PDE8B: variants seen among roughly 807,000 people sequenced by gnomAD.
The protein encoded by PDE8B is phosphodiesterase 8B.
A neutral mutation model predicts 101.3 loss-of-function variants in PDE8B; 26 were observed. The observed-to-expected ratio is 0.26, with a 90% CI of 0.19 to 0.36. The LOEUF (loss-of-function observed/expected upper bound fraction) is 0.36. PDE8B is among the 10% of genes least tolerant of loss of function. The pLI, the probability that PDE8B is intolerant of heterozygous loss-of-function variation, is 1.00. For synonymous variants in PDE8B, 424 were observed against 429.3 expected, an observed-to-expected ratio of 0.99 and a Z score of 0.15; for missense variants, 810 against 1,163.1, an observed-to-expected ratio of 0.70 and a Z score of 4.42.
chr5:77,300,194 G>A (rs1249182872), intron 1 of PDE8B, among the ~76,000 whole-genome samples: 1 of 152,212 alleles, frequency 6.6e-6, no homozygotes, highest in Non-Finnish European at 1.5e-5. Flanking sequence ...ATACAAGGGA[G>A]CCCCTTGTTC....
At chr5:77,309,393 C>A (rs1000875098) in intron 1 of PDE8B, among the ~76,000 whole-genome samples, 1 of 152,104 alleles carries the variant, frequency 6.6e-6, no homozygotes, top group South Asian at 2.1e-4. Context: ...CAATGCGAGT[C>A]ACTTTTTATT....
At chr5:77,353,521 C>A (rs1005735015) in intron 10 of PDE8B, 115 bp downstream of exon 10, 7 of 749,018 alleles carry the variant, frequency 9.3e-6, no homozygotes, top group African/African-American at 6.9e-5. Flanking sequence ...ATTGTAGCTG[C>A]CAATTAAGCA....
chr5:77,422,317 A>G (rs577987736), intron 20 of PDE8B, among the ~76,000 whole-genome samples: 2 of 152,202 alleles, frequency 1.3e-5, no homozygotes, highest in South Asian at 4.1e-4. Flanking sequence ...GGGTGTCTAC[A>G]TGGCGCGTTA....
intron 2 of PDE8B, among the ~76,000 whole-genome samples, chr5:77,317,303 G>A (rs1773974537): frequency 6.6e-6 from 1 of 152,062 alleles, no homozygotes; most frequent in South Asian, 2.1e-4. Flanking sequence ...TTGCTTCACT[G>A]CAATGCCAAA....
chr5:77,309,169 ACT>A (rs1771941047), intron 1 of PDE8B, among the ~76,000 whole-genome samples: 1 of 138,900 alleles, frequency 7.2e-6, no homozygotes, highest in African/African-American at 2.6e-5. Context: ...ACAGAGTGAA[ACT>A]CTGTCAGAAA....
intron 1 of PDE8B, among the ~76,000 whole-genome samples, chr5:77,258,894 C>T (rs963479214): frequency 1.3e-5 from 2 of 151,868 alleles, no homozygotes; most frequent in East Asian, 3.9e-4. Context: ...GTTGGTTCCT[C>T]AGGGTCTGGG....
chr5:77,088,870 G>C, the PDE8B span: 2 of 152,132 alleles, frequency 1.3e-5, no homozygotes, highest in Non-Finnish European at 2.9e-5. Flanking sequence ...CTTGAGGGTG[G>C]GGCCTTTGCC....
At position 77,309,941 on chromosome 5, in the gene PDE8B, A is replaced by ACCTTTTTT. The variant is rs772985826; in HGVS notation, c.340-2053_340-2052insCCTTTTTT. Among the ~76,000 whole-genome samples the ACCTTTTTT allele has an allele frequency of 3.2e-3, 262 of 83,058 alleles. 9 individuals are homozygous for ACCTTTTTT. Among genetic ancestry groups the ACCTTTTTT allele is most frequent in the African/African-American group, 6.6e-3 (129 of 19,486 alleles). The allele number at this position is 83,058 out of a possible 152,430, so 54.5% of individuals were successfully genotyped here. A position where few individuals can be genotyped will look rare whatever the true frequency, so the allele number is the denominator to read the frequency against. ...AACTGGTTTCCCTTTTTAATCATTA[A>ACCTTTTTT]TCTTTTTTTTTTTTTTTTTTTTTTT... On this transcript the variant is annotated intron_variant, in intron 1 of 21. Transcript: ENST00000264917.
Position 77,349,402 on chromosome 5 carries a change from C to T in PDE8B, c.877-17C>T. 6.2e-7 allele frequency: 1 copy of T among 1,614,002 alleles called. No individual in the cohort carries two copies. Among genetic ancestry groups the T allele is most frequent in the Non-Finnish European group, 8.5e-7 (1 of 1,179,992 alleles). Reference sequence around the variant, plus strand: ...CTTGTGTCCCCGCACTGATCTGTACCAACCTCCCATTAACAGTATGTCAAC... The same window carrying T: ...CTTGTGTCCCCGCACTGATCTGTACTAACCTCCCATTAACAGTATGTCAAC... On this transcript the variant is annotated splice_polypyrimidine_tract_variant and intron_variant, in intron 7 of 21. Coordinates refer to ENST00000264917, the MANE Select transcript of PDE8B (RefSeq NM_003719.5).
At chr5:77,110,523 C>T in the PDE8B span, among the ~76,000 whole-genome samples, 9 of 152,166 alleles carry the variant, frequency 5.9e-5, no homozygotes, top group Admixed American at 5.2e-4. Context: ...ATTACAAGGG[C>T]TGCCAGTGAA....
At chr5:77,219,907 A>G (rs556587526) in intron 1 of PDE8B, among the ~76,000 whole-genome samples, 2 of 152,310 alleles carry the variant, frequency 1.3e-5, no homozygotes, top group African/African-American at 4.8e-5. Flanking sequence ...GTGCCTGTGC[A>G]AGCATTGGGT....
chr5:77,359,716 C>T (rs1241323130), intron 10 of PDE8B, among the ~76,000 whole-genome samples: 1 of 152,162 alleles, frequency 6.6e-6, no homozygotes. Context: ...CCAGCTTCAG[C>T]AGGGACCCCC....
intron 18 of PDE8B, among the ~76,000 whole-genome samples, chr5:77,419,036 C>A (rs1796123438): frequency 6.6e-6 from 1 of 152,186 alleles, no homozygotes; most frequent in Admixed American, 6.5e-5. Flanking sequence ...TCACTCGGGC[C>A]TCAGGAATGC....
chr5:77,261,575 C>T (rs1193519531), intron 1 of PDE8B, among the ~76,000 whole-genome samples: 1 of 152,172 alleles, frequency 6.6e-6, no homozygotes, highest in African/African-American at 2.4e-5. Flanking sequence ...CAGTCTTCTC[C>T]CCACATCAGA....
At position 77,288,317 on chromosome 5, in the gene PDE8B, C is replaced by T. The variant is rs532100211; in HGVS notation, c.340-23677C>T. The stretch of plus-strand genomic sequence containing the variant: ...TGGATGGAAGCTCTGCTCAGCTTCT[C>T]GGCTTCTGGAATTGTCAGTGGCCTT... On this transcript the variant is annotated intron_variant, in intron 1 of 21. Coordinates refer to ENST00000264917, the MANE Select transcript of PDE8B (RefSeq NM_003719.5). Among the ~76,000 whole-genome samples, 20 of 152,276 alleles carry T rather than the reference C, an allele frequency of 1.3e-4. 1 individual carries two copies. In the South Asian group the frequency reaches 2.7e-3, roughly 21 times the overall value.
intron 1 of PDE8B, among the ~76,000 whole-genome samples, chr5:77,288,982 A>C (rs1766677220): frequency 1.3e-5 from 2 of 152,106 alleles, no homozygotes; most frequent in Admixed American, 6.6e-5. Context: ...CCACAACCAC[A>C]TATGAGTGTC....
At chr5:77,134,886 G>A in the PDE8B span, among the ~76,000 whole-genome samples, 4 of 152,176 alleles carry the variant, frequency 2.6e-5, no homozygotes, top group Non-Finnish European at 1.5e-5. Flanking sequence ...AGGGCCCACA[G>A]GAGCCATGGG....
the PDE8B span, among the ~76,000 whole-genome samples, chr5:77,188,733 C>A: frequency 2.6e-4 from 40 of 152,324 alleles, 1 homozygote; most frequent in Non-Finnish European, 4.4e-5. Context: ...TGCATCACAA[C>A]ACACAGAGGA....
the PDE8B span, among the ~76,000 whole-genome samples, chr5:77,092,023 A>G: frequency 6.6e-6 from 1 of 152,230 alleles, no homozygotes; most frequent in Non-Finnish European, 1.5e-5. Context: ...ATTATATAAG[A>G]GGAAATATTC....
Sources: allele counts gnomAD v4.1 joint callset (sites outside exome capture counted in the v4.1 genomes callset), GRCh38; gene constraint gnomAD v4.1.1; transcripts MANE v1.5; gene names NCBI Gene and HGNC (gene_info 2026-07-23, HGNC 2026-07-21).